The following RNASEL variants were observed in gnomAD, a reference collection of about 807,000 sequenced individuals.
The protein encoded by RNASEL is 2-5A-dependent ribonuclease.
In RNASEL, 36 loss-of-function variants were observed where a neutral mutation model predicts 50.9. The observed-to-expected ratio is 0.71, with a 90% CI of 0.54 to 0.93. RNASEL has a LOEUF of 0.93. Ranked by LOEUF, RNASEL falls within the 40% of genes least tolerant of loss-of-function variation. RNASEL has a pLI of 0.00. For missense variants in RNASEL, 860 were observed against 894.5 expected (o/e 0.96, Z 0.49); for synonymous variants, 335 against 335.6 (o/e 1.00, Z 0.02).
chr1:182,579,612 C>T lies in RNASEL; in HGVS notation c.1905+1613G>A, dbSNP rs1332387876. ...TATGCTGACAAAATTAATTGTGTGA[C>T]CATGAAAATGGGCAAGTCAACAGAA... On this transcript the variant is annotated intron_variant, in intron 5 of 6. Coordinates refer to ENST00000367559, the MANE Select transcript of RNASEL (RefSeq NM_021133.4). The T allele has an allele frequency of 7.8e-6, 9 of 1,155,944 alleles. No homozygotes were observed. The South Asian group carries it at 1.2e-4, about 15-fold the overall frequency. 71.6% of individuals were successfully genotyped at this position (1,155,944 alleles called of 1,614,324 possible).
chr1:182,579,862 G>A (rs1661457048), intron 5 of RNASEL: 6 of 561,510 alleles, frequency 1.1e-5, no homozygotes, highest in South Asian at 7.5e-5. Flanking sequence ...TGAGTTGGTA[G>A]ACTTGATGCC....
At chr1:182,587,930 A>T in intron 1 of RNASEL, among the ~76,000 whole-genome samples, 1 of 152,022 alleles carries the variant, frequency 6.6e-6, no homozygotes, top group East Asian at 1.9e-4. Context: ...ACATACAACC[A>T]TTCTGTTTTT....
At position 182,575,561 on chromosome 1, in the gene RNASEL, C is replaced by T. The variant is rs749223281; in HGVS notation, c.2057G>A (p.Gly686Glu). Residue 686 changes from glycine (G) to glutamate (E), a missense_variant, in exon 7 of 7, where the codon GGA becomes GAA. Transcript: ENST00000367559. The stretch of plus-strand genomic sequence containing the variant: ...CTTCTGAAAATACAGGGAAGGGTCT[C>T]CAATTTTTAATTTCATCCTGAAATA... Reference protein sequence around the residue: ...EKHKKMKLKIGDPSLYFQKTF... With the variant: ...EKHKKMKLKIEDPSLYFQKTF... The T allele has an allele frequency of 6.2e-7, 1 of 1,614,140 alleles. No individual in the cohort carries two copies. Among genetic ancestry groups the T allele is most frequent in the Non-Finnish European group, 8.5e-7 (1 of 1,180,020 alleles).
chr1:182,586,940 G>C lies in RNASEL; in HGVS notation c.-134C>G. 8.5e-7 allele frequency: 1 copy of C among 1,182,762 alleles called. No homozygotes were observed. The highest frequency in any genetic ancestry group is 1.2e-5 in the South Asian group (1 of 80,504). The allele number at this position is 1,182,762 out of a possible 1,614,324, so 73.3% of individuals were successfully genotyped here. A position where few individuals can be genotyped will look rare whatever the true frequency, so the allele number is the denominator to read the frequency against. On this transcript the variant is annotated 5_prime_UTR_variant, in exon 2 of 7. Transcript: ENST00000367559. ...GCAACAGAGCAGCAGTATGAAGAAG[G>C]AACAATGTTCTCAGTCTTCTGACAT...
chr1:182,583,421 T>C (rs141028952), intron 3 of RNASEL, among the ~76,000 whole-genome samples: 1 of 152,312 alleles, frequency 6.6e-6, no homozygotes, highest in African/African-American at 2.4e-5. Flanking sequence ...TTTTTCCTGG[T>C]TAAAATAGAA....
intron 5 of RNASEL, chr1:182,579,884 A>T (rs533259): frequency 8.0e-6 from 4 of 501,954 alleles, no homozygotes; most frequent in South Asian, 6.1e-5. Flanking sequence ...TCACAGCTTC[A>T]TGTAGTGGTG....
chr1:182,580,204 T>C (rs1183755058), intron 5 of RNASEL, among the ~76,000 whole-genome samples: 1 of 152,238 alleles, frequency 6.6e-6, no homozygotes, highest in African/African-American at 2.4e-5. Flanking sequence ...GACATTCATT[T>C]AGTAAAGAGT....
Position 182,586,220 on chromosome 1 carries a change from T to C in RNASEL, c.587A>G (p.Asn196Ser). 6.2e-7 allele frequency: 1 copy of C among 1,614,162 alleles called. No homozygotes were observed. The highest frequency in any genetic ancestry group is 8.5e-7 in the Non-Finnish European group (1 of 1,180,044). ...ILLDEMGADV[N>S]ACDNMGRNAL... ...ATTTCTGCCCATATTGTCACAGGCGTTTACATCTGCCCCCATCTCATCAAG... is the reference window on the plus strand; with the variant it reads ...ATTTCTGCCCATATTGTCACAGGCGCTTACATCTGCCCCCATCTCATCAAG... Residue 196 changes from asparagine (N) to serine (S), a missense_variant, in exon 2 of 7, where the codon AAC (asparagine) becomes AGC (serine). Physicochemically the swap from Asn to Ser is conservative, Grantham distance 46 (BLOSUM62 1). Transcript: ENST00000367559.
At position 182,586,797 on chromosome 1, in the gene RNASEL, T is replaced by C. The variant is rs1661609848; in HGVS notation, c.10A>G (p.Arg4Gly). The C allele has an allele frequency of 6.2e-7, 1 of 1,614,198 alleles. No individual in the cohort carries two copies. The highest frequency in any genetic ancestry group is 1.3e-5 in the African/African-American group (1 of 75,082). The part of the protein sequence containing the change: MES[R>G]DHNNPQEGPT... ...CCCTCCTGGGGGTTGTTATGATCCC[T>C]GCTCTCCATGACGGTAAATGCCACC... Residue 4 changes from arginine to glycine, a missense_variant, in exon 2 of 7, where the codon AGG (arginine) becomes GGG (glycine). Arg to Gly is a moderately radical substitution (Grantham distance 125). Coordinates refer to ENST00000367559, the MANE Select transcript of RNASEL (RefSeq NM_021133.4).
chr1:182,585,670 G>C lies in RNASEL; in HGVS notation c.1137C>G (p.Ile379Met), dbSNP rs2102370486. ...YKIADTSEGG[I>M]YLGFYEKQEV... is the part of the protein sequence containing the mutation. ...CTTGCTTCTCATAGAACCCCAGGTA[G>C]ATGCCTCCTTCTGAAGTATCAGCAA... The change falls in exon 2 of 7, where the codon ATC becomes ATG. Residue 379 changes from isoleucine (I) to methionine (M), a missense_variant. Physicochemically the swap from Ile to Met is conservative, Grantham distance 10 (BLOSUM62 1). Coordinates refer to ENST00000367559, the MANE Select transcript of RNASEL (RefSeq NM_021133.4). 1 of 1,614,142 alleles carries C rather than the reference G, an allele frequency of 6.2e-7. No homozygotes were observed. Among genetic ancestry groups the C allele is most frequent in the Non-Finnish European group, 8.5e-7 (1 of 1,180,032 alleles).
chr1:182,581,776 G>A (rs1661502491), intron 4 of RNASEL, among the ~76,000 whole-genome samples: 1 of 152,034 alleles, frequency 6.6e-6, no homozygotes, highest in Admixed American at 6.6e-5. Context: ...CACCGCGCCT[G>A]GCTAGATTTT....
At chr1:182,579,452 A>T in intron 5 of RNASEL, 2 of 1,004,356 alleles carry the variant, frequency 2.0e-6, no homozygotes, top group Non-Finnish European at 2.4e-6. Context: ...AATGCTAGTG[A>T]GGATGCTGCT....
rs897635479 is a variant in RNASEL, at chr1:182,584,116, C to T, written c.1531G>A (p.Ala511Thr). The T allele has an allele frequency of 3.1e-6, 5 of 1,613,994 alleles. No individual in the cohort carries two copies. The South Asian group carries it at 5.5e-5, about 18-fold the overall frequency. ...LADFDKSIKWAGDPQEVKRDL... is the reference protein window; with the variant it reads ...LADFDKSIKWTGDPQEVKRDL... ...CTCTTGACTTCCTGTGGATCTCCAG[C>T]CCACTTGATGCTCTTATCAAAATCT... Residue 511 changes from alanine (A) to threonine (T), a missense_variant, in exon 3 of 7, where the codon GCT (alanine) becomes ACT (threonine). Ala to Thr is a moderately conservative substitution (Grantham distance 58). Transcript: ENST00000367559.
At chr1:182,575,630 C>A in intron 6 of RNASEL, 52 bp from the exon 7 acceptor site, 1 of 1,603,388 alleles carries the variant, frequency 6.2e-7, no homozygotes, top group South Asian at 1.1e-5. Context: ...TATTCTTCCC[C>A]GCTTCACAGC....
rs1189138991 is a variant in RNASEL, at chr1:182,586,613, T to C, written c.194A>G (p.Asn65Ser). 16 of 1,611,764 alleles carry C rather than the reference T, an allele frequency of 9.9e-6. No homozygotes were observed. Among genetic ancestry groups the C allele is most frequent in the Non-Finnish European group, 1.4e-5 (16 of 1,178,308 alleles). Residue 65 changes from asparagine (N) to serine (S), a missense_variant, in exon 2 of 7, where the codon AAC (asparagine) becomes AGC (serine). Asn to Ser is a conservative substitution (Grantham distance 46). Transcript: ENST00000367559. ...GTCCTCCCTGCTCATTTGTACTGCG[T>C]TATGCAGAGGTGTCCAGCCCCCTTC... ...EEEGGWTPLHNAVQMSREDIV... is the reference protein window; with the variant it reads ...EEEGGWTPLHSAVQMSREDIV...
intron 3 of RNASEL, 116 bp from the exon 4 acceptor site, chr1:182,582,374 T>C: frequency 8.2e-7 from 1 of 1,218,552 alleles, no homozygotes; most frequent in Non-Finnish European, 1.2e-6. Context: ...AAGGAATTTG[T>C]AGGCTTGTTA....
rs879056026 is a variant in RNASEL, at chr1:182,586,273, T to G, written c.534A>C (p.Lys178Asn). ...GAATCTTCAAGACCTCTACGTGTCC[T>G]TTTTCAGCAGCGTCCATGAGAGCTG... is the stretch of plus-strand genomic sequence containing the variant. Reference protein sequence around the residue: ...GATALMDAAEKGHVEVLKILL... With the variant: ...GATALMDAAENGHVEVLKILL... The change falls in exon 2 of 7, where the codon AAA (lysine) becomes AAC (asparagine). Residue 178 changes from lysine to asparagine, a missense_variant. Coordinates refer to ENST00000367559, the MANE Select transcript of RNASEL (RefSeq NM_021133.4). 1 of 1,614,192 alleles carries G rather than the reference T, an allele frequency of 6.2e-7. No individual in the cohort carries two copies. Among genetic ancestry groups the G allele is most frequent in the Non-Finnish European group, 8.5e-7 (1 of 1,180,018 alleles).
rs1297010803 is a variant in RNASEL at position 182,586,227 on chromosome 1, C to T, written c.580G>A (p.Asp194Asn). Residue 194 changes from aspartate to asparagine, a missense_variant, in exon 2 of 7, where the codon GAT becomes AAT. Transcript: ENST00000367559. ...CCCATATTGTCACAGGCGTTTACAT[C>T]TGCCCCCATCTCATCAAGGAGAATC... ...LKILLDEMGADVNACDNMGRN... is the reference protein window; with the variant it reads ...LKILLDEMGANVNACDNMGRN... 6.2e-7 allele frequency: 1 copy of T among 1,614,236 alleles called. No homozygotes were observed. Among genetic ancestry groups the T allele is most frequent in the Non-Finnish European group, 8.5e-7 (1 of 1,180,046 alleles).
intron 3 of RNASEL, 27 bp downstream of exon 3, chr1:182,584,054 A>C: frequency 1.3e-6 from 2 of 1,545,440 alleles, no homozygotes; most frequent in Non-Finnish European, 1.8e-6. Flanking sequence ...CAGAAAGAAG[A>C]AAGGTAAACT....
Sources: allele counts gnomAD v4.1 joint callset (sites outside exome capture counted in the v4.1 genomes callset), GRCh38; gene constraint gnomAD v4.1.1; transcripts MANE v1.5; gene names NCBI Gene and HGNC (gene_info 2026-07-23, HGNC 2026-07-21).